The following SLC25A48 variants were observed in gnomAD, a reference collection of about 807,000 sequenced individuals.
SLC25A48 encodes the protein solute carrier family 25 member 48.
In SLC25A48, 29 loss-of-function variants were observed where a neutral mutation model predicts 32.2. The ratio of observed to expected loss-of-function variants is 0.90; its 90% CI spans 0.67 to 1.23. SLC25A48 has a LOEUF of 1.23. Among genes scored for constraint, SLC25A48 ranks in the 50% most tolerant of loss-of-function variants. The probability of loss-of-function intolerance (pLI) is 0.00; values close to 1 mark genes in which losing one functional copy is unlikely to be tolerated. For missense variants in SLC25A48, 399 were observed against 422.7 expected, an observed-to-expected ratio of 0.94 and a Z score of 0.49; for synonymous variants, 164 against 172.3, an observed-to-expected ratio of 0.95 and a Z score of 0.38.
At chr5:135,884,710 T>A (rs1362851005) in intron 7 of SLC25A48, among the ~76,000 whole-genome samples, 1 of 152,074 alleles carries the variant, frequency 6.6e-6, no homozygotes, top group African/African-American at 2.4e-5. Context: ...CTCTAACACA[T>A]CCTAGAATGT....
chr5:135,769,307 C>G (rs1561483961), intron 3 of SLC25A48, among the ~76,000 whole-genome samples: 1 of 150,620 alleles, frequency 6.6e-6, no homozygotes, highest in East Asian at 1.9e-4. Context: ...GGTGTACATT[C>G]CTTTGTGATA....
At chr5:135,667,369 T>C (rs1351458320) in intron 3 of SLC25A48, among the ~76,000 whole-genome samples, 1 of 152,214 alleles carries the variant, frequency 6.6e-6, no homozygotes, top group African/African-American at 2.4e-5. Context: ...CTTTGAACCT[T>C]TGAAGTATGC....
chr5:135,764,065 G>T (rs180853987), intron 3 of SLC25A48, among the ~76,000 whole-genome samples: 32 of 152,182 alleles, frequency 2.1e-4, no homozygotes, highest in Admixed American at 5.9e-4. Context: ...ATAATATCCA[G>T]GAAGAAAGAG....
At chr5:135,857,607 A>G (rs1278505734) in intron 4 of SLC25A48, among the ~76,000 whole-genome samples, 1 of 152,244 alleles carries the variant, frequency 6.6e-6, no homozygotes, top group Non-Finnish European at 1.5e-5. Context: ...TGAACAAAAG[A>G]CTGCATCCTG....
chr5:135,767,958 G>GGGT lies in SLC25A48; in HGVS notation c.-520-44563_-520-44562insTGG, dbSNP rs1176122572. 2.0e-5 allele frequency among the ~76,000 whole-genome samples: 3 copies of GGGT among 147,152 alleles called. No homozygotes were observed. In the South Asian group the frequency reaches 6.5e-4, roughly 32 times the overall value. On this transcript the variant is annotated intron_variant, in intron 3 of 10. Coordinates refer to the SLC25A48 transcript ENST00000646290. ...CCTGTGATATTGTTTGTAATATCCG[G>GGGT]GGGGGGGAGAGGATAATATTACTCC...
intron 2 of SLC25A48, among the ~76,000 whole-genome samples, chr5:135,847,710 C>T (rs113914873): frequency 3.0e-4 from 46 of 152,128 alleles, no homozygotes; most frequent in Middle Eastern, 3.4e-3. Context: ...GCTGGGGCTC[C>T]GGGAAAGAGG....
intron 1 of SLC25A48, among the ~76,000 whole-genome samples, chr5:135,836,274 CTTTATT>C: frequency 6.6e-6 from 1 of 152,054 alleles, no homozygotes; most frequent in African/African-American, 2.4e-5. Flanking sequence ...GATTTTTGTG[CTTTATT>C]CTGGTCCTTA....
chr5:135,816,231 A>G (rs1008913473), intron 4 of SLC25A48, among the ~76,000 whole-genome samples: 2 of 152,164 alleles, frequency 1.3e-5, no homozygotes, highest in African/African-American at 4.8e-5. Flanking sequence ...GGGGATTACA[A>G]TTGGAGATTA....
At chr5:135,663,361 A>G (rs1345488280) in intron 3 of SLC25A48, among the ~76,000 whole-genome samples, 1 of 152,142 alleles carries the variant, frequency 6.6e-6, no homozygotes, top group Non-Finnish European at 1.5e-5. Context: ...CGTTTTGTGT[A>G]TTGCAGGATG....
intron 3 of SLC25A48, among the ~76,000 whole-genome samples, chr5:135,651,557 G>A (rs917513052): frequency 1.3e-5 from 2 of 152,198 alleles, no homozygotes; most frequent in African/African-American, 4.8e-5. Context: ...CCTAGTGGGA[G>A]GAAGAGGCTC....
chr5:135,722,904 C>T (rs1754995565), intron 3 of SLC25A48, among the ~76,000 whole-genome samples: 1 of 152,252 alleles, frequency 6.6e-6, no homozygotes, highest in African/African-American at 2.4e-5. Context: ...AGGCAGAGTC[C>T]ATAGGCCATC....
intron 3 of SLC25A48, among the ~76,000 whole-genome samples, chr5:135,777,648 G>A (rs1756601437): frequency 6.6e-6 from 1 of 151,370 alleles, no homozygotes; most frequent in Non-Finnish European, 1.5e-5. Context: ...GAGGAGAGAG[G>A]ATATTATTAC....
intron 3 of SLC25A48, among the ~76,000 whole-genome samples, chr5:135,740,697 A>G (rs1451802829): frequency 6.6e-6 from 1 of 152,068 alleles, no homozygotes; most frequent in Non-Finnish European, 1.5e-5. Context: ...AAAGCCATCT[A>G]GGGGGTGTTT....
At chr5:135,620,833 G>A (rs964334230) in intron 1 of SLC25A48, among the ~76,000 whole-genome samples, 24 of 152,244 alleles carry the variant, frequency 1.6e-4, no homozygotes, top group African/African-American at 4.6e-4. Flanking sequence ...TTGGGGCTGC[G>A]AGAGTTGAGG....
At position 135,871,694 on chromosome 5, in the gene SLC25A48, G is replaced by A. The variant is rs1219722603; in HGVS notation, c.655G>A (p.Val219Met). 5 of 1,613,602 alleles carry A rather than the reference G, an allele frequency of 3.1e-6. No homozygotes were observed. The highest frequency in any genetic ancestry group is 1.7e-5 in the Admixed American group (1 of 60,006). The change falls in exon 5 of 8, where the codon GTG becomes ATG. Residue 219 changes from valine to methionine, a missense_variant. Coordinates refer to ENST00000681962, the MANE Select transcript of SLC25A48 (RefSeq NM_001349336.2). ...EACTGPSPCA[V>M]WLAGGMAGAI... ...CTGCACAGGCCCCAGCCCCTGTGCC[G>A]TGTGGCTGGCGGGCGGCATGGCAGG...
intron 3 of SLC25A48, among the ~76,000 whole-genome samples, chr5:135,720,675 C>T (rs573695047): frequency 6.6e-6 from 1 of 152,084 alleles, no homozygotes; most frequent in Non-Finnish European, 1.5e-5. Flanking sequence ...ATCCTGGTCA[C>T]ATGATCATCT....
rs180798748 is a variant in SLC25A48 at position 135,782,683 on chromosome 5, A to G, written c.-520-29840A>G. Among the ~76,000 whole-genome samples, 9 of 117,780 alleles carry G rather than the reference A, an allele frequency of 7.6e-5. 1 individual carries two copies. The highest frequency in any genetic ancestry group is 2.1e-4 in the African/African-American group (8 of 38,782). 77.3% of individuals were successfully genotyped at this position (117,780 alleles called of 152,430 possible). ...CGTGATATCGTTCCTAATAACCAGGAAGGGAGAGGATATTACTCCCAATAA... is the reference window on the plus strand; with the variant it reads ...CGTGATATCGTTCCTAATAACCAGGGAGGGAGAGGATATTACTCCCAATAA... On this transcript the variant is annotated intron_variant, in intron 3 of 10. Transcript: ENST00000646290.
chr5:135,824,594 G>A (rs1365273811), intron 4 of SLC25A48: 3 of 152,228 alleles, frequency 2.0e-5, no homozygotes, highest in Non-Finnish European at 4.4e-5. Context: ...GCACCTATGG[G>A]TGCCTCCTGG....
chr5:135,789,322 A>C (rs1209663335), intron 3 of SLC25A48, among the ~76,000 whole-genome samples: 1 of 150,550 alleles, frequency 6.6e-6, no homozygotes, highest in Non-Finnish European at 1.5e-5. Flanking sequence ...AAAGGGTGGT[A>C]TTACTCCCCA....
Sources: gnomAD v4.1 joint callset for allele counts (sites outside exome capture counted in the v4.1 genomes callset) on GRCh38, gnomAD v4.1.1 for gene constraint, MANE v1.5 for transcripts, NCBI Gene and HGNC (gene_info 2026-07-23, HGNC 2026-07-21) for gene names.